PAWR: variants seen among roughly 807,000 people sequenced by gnomAD.
PAWR encodes PRKC apoptosis WT1 regulator protein.
In PAWR, 23 loss-of-function variants were observed where a neutral mutation model predicts 32.0. The ratio of observed to expected loss-of-function variants is 0.72; its 90% CI spans 0.52 to 1.02. The LOEUF (loss-of-function observed/expected upper bound fraction) is 1.02. PAWR is among the 50% of genes least tolerant of loss of function. The probability of loss-of-function intolerance (pLI) is 0.00; values close to 1 mark genes in which losing one functional copy is unlikely to be tolerated. For synonymous variants in PAWR, 226 were observed against 187.1 expected (o/e 1.21, Z -1.70); for missense variants, 457 against 437.7 (o/e 1.04, Z -0.39).
intron 2 of PAWR, among the ~76,000 whole-genome samples, chr12:79,639,815 C>CTTTTCG (rs1876191103): frequency 7.3e-6 from 1 of 136,532 alleles, no homozygotes; most frequent in Non-Finnish European, 1.5e-5. Context: ...CATTCCATTC[C>CTTTTCG]TTTTCCTTTT....
At chr12:79,640,145 C>T (rs1876250607) in intron 2 of PAWR, among the ~76,000 whole-genome samples, 1 of 152,052 alleles carries the variant, frequency 6.6e-6, no homozygotes, top group Non-Finnish European at 1.5e-5. Flanking sequence ...TCAAGTGATC[C>T]TCCCACCTCA....
At chr12:79,645,728 T>A (rs1226395768) in intron 2 of PAWR, among the ~76,000 whole-genome samples, 3 of 152,208 alleles carry the variant, frequency 2.0e-5, no homozygotes, top group Non-Finnish European at 2.9e-5. Context: ...CTATCAATGA[T>A]AACATTATTA....
intron 4 of PAWR, among the ~76,000 whole-genome samples, chr12:79,607,125 A>T (rs1874215041): frequency 6.6e-6 from 1 of 152,110 alleles, no homozygotes; most frequent in African/African-American, 2.4e-5. Context: ...ATATCCTAAT[A>T]TAGAAATAAT....
In PAWR at chr12:79,610,797, GA is replaced by G. The variant is rs538761570; in HGVS notation, c.683+2777del. 1.9e-3 allele frequency among the ~76,000 whole-genome samples: 254 copies of G among 134,388 alleles called. 1 individual carries two copies. Among genetic ancestry groups the G allele is most frequent in the South Asian group, 0.015 (63 of 4,156 alleles). The allele number at this position is 134,388 out of a possible 152,430, so 88.2% of individuals were successfully genotyped here. A position where few individuals can be genotyped will look rare whatever the true frequency, so the allele number is the denominator to read the frequency against. On this transcript the variant is annotated intron_variant, in intron 4 of 6. Coordinates refer to ENST00000328827, the MANE Select transcript of PAWR (RefSeq NM_002583.4). ...AAAAAGAAAAAGAAAATTACACATT[GA>G]AAAAAAAAAACCCACAAATTGGTAA...
At chr12:79,661,162 T>C (rs941881250) in intron 2 of PAWR, among the ~76,000 whole-genome samples, 4 of 151,088 alleles carry the variant, frequency 2.6e-5, no homozygotes, top group African/African-American at 7.3e-5. Context: ...GGCAGGGGAA[T>C]TGCTTGAACC....
At chr12:79,661,120 T>C (rs1877329284) in intron 2 of PAWR, among the ~76,000 whole-genome samples, 1 of 151,184 alleles carries the variant, frequency 6.6e-6, no homozygotes, top group East Asian at 2.0e-4. Flanking sequence ...ATACAAAAAT[T>C]AGCCTGTAAT....
intron 2 of PAWR, among the ~76,000 whole-genome samples, chr12:79,638,617 C>A (rs1876081797): frequency 1.3e-5 from 2 of 151,338 alleles, no homozygotes; most frequent in African/African-American, 2.4e-5. Context: ...TTGATAACAG[C>A]CAATTGTTTC....
chr12:79,674,402 T>C (rs1314763326), intron 2 of PAWR, among the ~76,000 whole-genome samples: 1 of 148,960 alleles, frequency 6.7e-6, no homozygotes, highest in African/African-American at 2.5e-5. Flanking sequence ...AAAAAAAAAA[T>C]CAACTCAAAT....
intron 4 of PAWR, chr12:79,604,804 C>G: frequency 1.7e-6 from 1 of 583,772 alleles, no homozygotes; most frequent in Non-Finnish European, 2.6e-6. Flanking sequence ...ACTCTCATAA[C>G]TCTTTATTAA....
At chr12:79,643,920 G>C (rs191122857) in intron 2 of PAWR, among the ~76,000 whole-genome samples, 1 of 152,250 alleles carries the variant, frequency 6.6e-6, no homozygotes, top group Admixed American at 6.5e-5. Flanking sequence ...ATAATTACTA[G>C]GTGAACAAAC....
chr12:79,614,763 G>C lies in PAWR; in HGVS notation c.649-1154C>G, dbSNP rs147428231. 3.5e-3 allele frequency among the ~76,000 whole-genome samples: 538 copies of C among 152,328 alleles called. 5 individuals carry two copies. The highest frequency in any genetic ancestry group is 0.012 in the African/African-American group (486 of 41,590). On this transcript the variant is annotated intron_variant, in intron 3 of 6. Coordinates refer to ENST00000328827, the MANE Select transcript of PAWR (RefSeq NM_002583.4). ...ATAAGCTACCTTTATAAGATAACCA[G>C]TTCCAGAGTAAAAGAGTAAATACTG... is the stretch of plus-strand genomic sequence containing the variant.
rs574182394 is a variant in PAWR, at chr12:79,677,455, T to TA, written c.516+12273dup. On this transcript the variant is annotated intron_variant, in intron 2 of 6. Transcript: ENST00000328827. Reference sequence around the variant, plus strand: ...AAAAAAGTAATAACATTTCTCCTTTTAAAAAAAGCTTAAAATGAAATAATA... The same window carrying TA: ...AAAAAAGTAATAACATTTCTCCTTTTAAAAAAAAGCTTAAAATGAAATAATA... Among the ~76,000 whole-genome samples the TA allele has an allele frequency of 1.6e-4, 24 of 152,154 alleles. No individual in the cohort carries two copies. In the South Asian group the frequency reaches 2.7e-3, roughly 17 times the overall value.
At position 79,625,063 on chromosome 12, in the gene PAWR, T is replaced by C. The variant is rs184432005; in HGVS notation, c.517-3856A>G. On this transcript the variant is annotated intron_variant, in intron 2 of 6. Coordinates refer to ENST00000328827, the MANE Select transcript of PAWR (RefSeq NM_002583.4). ...AGTATGACATTACCTGTTCTCCCAA[T>C]AGTTTTCATACTTTTGCAGTTTTTG... Among the ~76,000 whole-genome samples the C allele has an allele frequency of 4.9e-3, 739 of 152,246 alleles. 7 individuals carry two copies. The highest frequency in any genetic ancestry group is 0.017 in the African/African-American group (702 of 41,548).
intron 2 of PAWR, among the ~76,000 whole-genome samples, chr12:79,663,049 G>A (rs538937821): frequency 3.9e-4 from 59 of 152,270 alleles, no homozygotes; most frequent in African/African-American, 1.2e-3. Flanking sequence ...ATGAGAGCCT[G>A]TCCACCTACC....
At chr12:79,602,599 T>C (rs1321150324) in intron 4 of PAWR, among the ~76,000 whole-genome samples, 1 of 152,138 alleles carries the variant, frequency 6.6e-6, no homozygotes, top group Admixed American at 6.5e-5. Context: ...TCATAAATAA[T>C]GTCCAGGCTA....
intron 4 of PAWR, among the ~76,000 whole-genome samples, chr12:79,611,365 TTA>T (rs764199176): frequency 1.1e-4 from 16 of 149,692 alleles, no homozygotes; most frequent in Non-Finnish European, 2.1e-4. Flanking sequence ...AAAAAATAAG[TTA>T]TTAGGTTTAC....
intron 2 of PAWR, among the ~76,000 whole-genome samples, chr12:79,652,573 A>G (rs1876900253): frequency 6.6e-6 from 1 of 152,198 alleles, no homozygotes; most frequent in South Asian, 2.1e-4. Context: ...ACAAAACATG[A>G]TCAAAATATG....
intron 4 of PAWR, among the ~76,000 whole-genome samples, chr12:79,608,427 G>A (rs549822817): frequency 2.8e-4 from 43 of 152,224 alleles, no homozygotes; most frequent in African/African-American, 9.6e-4. Flanking sequence ...GGGTTCGCGC[G>A]CTCCTATGAG....
chr12:79,657,556 C>G (rs1039826768), intron 2 of PAWR, among the ~76,000 whole-genome samples: 55 of 152,186 alleles, frequency 3.6e-4, no homozygotes, highest in South Asian at 4.1e-4. Context: ...CTTTGGGAGG[C>G]TGAGGCGGGC....
Sources: allele counts gnomAD v4.1 joint callset (sites outside exome capture counted in the v4.1 genomes callset), GRCh38; gene constraint gnomAD v4.1.1; transcripts MANE v1.5; gene names NCBI Gene and HGNC (gene_info 2026-07-23, HGNC 2026-07-21).